The following CPNE4 variants were observed in gnomAD, a reference collection of about 807,000 sequenced individuals.
CPNE4 encodes copine-4.
Under a neutral mutation model 67.9 loss-of-function variants are expected in CPNE4, and 25 were observed. That is an observed-to-expected ratio of 0.37 (90% CI 0.27 to 0.51). The LOEUF (loss-of-function observed/expected upper bound fraction) is 0.51, where lower values mean the gene tolerates loss of function less well. CPNE4 is among the 20% of genes least tolerant of loss of function. The pLI, the probability that CPNE4 is intolerant of heterozygous loss-of-function variation, is 0.93. For synonymous variants in CPNE4, 242 were observed against 244.9 expected (o/e 0.99, Z 0.11); for missense variants, 464 against 690.8 (o/e 0.67, Z 3.68).
intron 2 of CPNE4, among the ~76,000 whole-genome samples, chr3:131,877,381 T>C (rs1326578715): frequency 6.6e-6 from 1 of 152,100 alleles, no homozygotes; most frequent in Non-Finnish European, 1.5e-5. Context: ...GAATCTGGGC[T>C]CCTGGTGGTG....
intron 5 of CPNE4, among the ~76,000 whole-genome samples, chr3:131,686,191 C>G (rs911333855): frequency 1.3e-5 from 2 of 152,110 alleles, no homozygotes; most frequent in Admixed American, 6.5e-5. Context: ...TGAGATCCAC[C>G]CTTGGCTAGA....
chr3:131,792,717 A>ATACATATATACACACG (rs1553772302), intron 2 of CPNE4, among the ~76,000 whole-genome samples: 2 of 107,896 alleles, frequency 1.9e-5, no homozygotes, highest in African/African-American at 7.5e-5. Context: ...ACGTGTATAT[A>ATACATATATACACACG]TGTATATATA....
intron 7 of CPNE4, among the ~76,000 whole-genome samples, chr3:131,588,856 T>G (rs1457074460): frequency 1.3e-5 from 2 of 152,196 alleles, no homozygotes; most frequent in Non-Finnish European, 2.9e-5. Context: ...CTACTGCTCC[T>G]TCTCATCTGC....
chr3:131,718,123 T>A (rs1042114205), intron 3 of CPNE4, among the ~76,000 whole-genome samples: 1 of 151,862 alleles, frequency 6.6e-6, no homozygotes, highest in African/African-American at 2.4e-5. Flanking sequence ...GCCTTTCAAG[T>A]AGCTGGAATT....
intron 7 of CPNE4, among the ~76,000 whole-genome samples, chr3:131,607,228 C>T (rs184800799): frequency 4.6e-5 from 7 of 151,586 alleles, no homozygotes; most frequent in African/African-American, 1.7e-4. Context: ...TGGAGTCAGA[C>T]ACACATTTGC....
At chr3:131,908,942 G>A (rs1047789852) in intron 1 of CPNE4, among the ~76,000 whole-genome samples, 2 of 152,150 alleles carry the variant, frequency 1.3e-5, no homozygotes, top group African/African-American at 4.8e-5. Flanking sequence ...TATTGTGGAT[G>A]CTCTGATAGT....
At chr3:131,559,691 T>G (rs1438350868) in intron 11 of CPNE4, among the ~76,000 whole-genome samples, 2 of 151,962 alleles carry the variant, frequency 1.3e-5, no homozygotes, top group Non-Finnish European at 2.9e-5. Flanking sequence ...TTAAGATACA[T>G]TAGGATAAAA....
chr3:131,813,296 A>G (rs2084605666), intron 2 of CPNE4, among the ~76,000 whole-genome samples: 1 of 151,476 alleles, frequency 6.6e-6, no homozygotes, highest in African/African-American at 2.4e-5. Flanking sequence ...ATAGTGATAA[A>G]GATTGAAAAG....
chr3:131,766,443 T>G (rs561710640), intron 2 of CPNE4, among the ~76,000 whole-genome samples: 2 of 152,212 alleles, frequency 1.3e-5, no homozygotes, highest in Admixed American at 1.3e-4. Flanking sequence ...AAATAGATAG[T>G]GTGGTGCTGG....
At chr3:131,801,452 G>GTGTGTGTGTATATA (rs761978890) in intron 2 of CPNE4, among the ~76,000 whole-genome samples, 9 of 53,346 alleles carry the variant, frequency 1.7e-4, no homozygotes, top group African/African-American at 7.1e-4. Flanking sequence ...GTGTGTGTGT[G>GTGTGTGTGTATATA]TATATATATA....
intron 1 of CPNE4, among the ~76,000 whole-genome samples, chr3:132,023,107 A>T (rs2074032682): frequency 6.6e-6 from 1 of 152,214 alleles, no homozygotes; most frequent in South Asian, 2.1e-4. Flanking sequence ...CCCATCAGAC[A>T]ACAAATTAAA....
At chr3:131,745,574 A>G (rs779616849) in intron 2 of CPNE4, among the ~76,000 whole-genome samples, 1 of 152,004 alleles carries the variant, frequency 6.6e-6, no homozygotes, top group Non-Finnish European at 1.5e-5. Context: ...TCTGTGATTC[A>G]TTTTGGGTTA....
intron 7 of CPNE4, among the ~76,000 whole-genome samples, chr3:131,615,097 G>A (rs538469411): frequency 2.0e-4 from 30 of 152,178 alleles, no homozygotes; most frequent in Non-Finnish European, 3.8e-4. Flanking sequence ...GGTAAGGCCT[G>A]AGGATCTGCA....
chr3:131,612,692 C>T (rs1392412824), intron 7 of CPNE4, among the ~76,000 whole-genome samples: 1 of 152,180 alleles, frequency 6.6e-6, no homozygotes, highest in Non-Finnish European at 1.5e-5. Flanking sequence ...CATCACTAAT[C>T]CATCATATAA....
chr3:131,906,808 G>C (rs2088787060), intron 1 of CPNE4, among the ~76,000 whole-genome samples: 1 of 151,628 alleles, frequency 6.6e-6, no homozygotes, highest in African/African-American at 2.4e-5. Context: ...TCCAGTTCTA[G>C]ATCCCTGAGG....
intron 2 of CPNE4, among the ~76,000 whole-genome samples, chr3:131,798,054 A>G (rs935364974): frequency 6.6e-6 from 1 of 152,092 alleles, no homozygotes; most frequent in Non-Finnish European, 1.5e-5. Context: ...TCTTTCTTAT[A>G]AGGGCACCAG....
chr3:131,650,638 G>T (rs1258973113), intron 7 of CPNE4, among the ~76,000 whole-genome samples: 1 of 148,438 alleles, frequency 6.7e-6, no homozygotes, highest in Non-Finnish European at 1.5e-5. Context: ...CCGGCTACTC[G>T]GGAGGCTGAG....
intron 4 of CPNE4, among the ~76,000 whole-genome samples, chr3:131,699,112 T>C (rs546298693): frequency 6.6e-6 from 1 of 152,180 alleles, no homozygotes; most frequent in African/African-American, 2.4e-5. Flanking sequence ...GACAACATCC[T>C]CTACCTTTTT....
At chr3:131,807,513 A>G (rs1352181754) in intron 2 of CPNE4, among the ~76,000 whole-genome samples, 1 of 152,018 alleles carries the variant, frequency 6.6e-6, no homozygotes, top group Admixed American at 6.6e-5. Flanking sequence ...TTTTTCCTCA[A>G]TTTTTCTCTA....
Sources: allele counts gnomAD v4.1 joint callset (sites outside exome capture counted in the v4.1 genomes callset), GRCh38; gene constraint gnomAD v4.1.1; transcripts MANE v1.5; gene names NCBI Gene and HGNC (gene_info 2026-07-23, HGNC 2026-07-21).